Variants in THRB observed in about 807,000 individuals in gnomAD.
The protein encoded by THRB is nuclear receptor subfamily 1 group A member 2.
A neutral mutation model predicts 47.8 loss-of-function variants in THRB; 12 were observed. The ratio of observed to expected loss-of-function variants is 0.25; its 90% CI spans 0.16 to 0.41. The LOEUF is 0.41. Among genes scored for constraint, THRB ranks in the 10% least tolerant of loss-of-function variants. The probability of loss-of-function intolerance (pLI) is 1.00; values close to 1 mark genes in which losing one functional copy is unlikely to be tolerated. For synonymous variants in THRB, 218 were observed against 212.2 expected, an observed-to-expected ratio of 1.03 and a Z score of -0.24; for missense variants, 348 against 589.2, an observed-to-expected ratio of 0.59 and a Z score of 4.24.
chr3:24,205,421 A>C (rs1369308702), intron 4 of THRB, among the ~76,000 whole-genome samples: 3 of 152,198 alleles, frequency 2.0e-5, no homozygotes, highest in Non-Finnish European at 4.4e-5. Flanking sequence ...GTGAAGGAGA[A>C]ATAAAATCCT....
intron 1 of THRB, chr3:24,483,999 C>T (rs1412914095): frequency 1.3e-5 from 2 of 152,216 alleles, no homozygotes; most frequent in South Asian, 2.1e-4. Context: ...TCTTCACTTT[C>T]TGGTTCCCCT....
chr3:24,279,562 T>TA (rs1217209882), intron 3 of THRB, among the ~76,000 whole-genome samples: 1 of 7,854 alleles, frequency 1.3e-4, no homozygotes, highest in Non-Finnish European at 7.9e-4. Context: ...TTTTTTTGTA[T>TA]TTTTTTTTTT....
intron 2 of THRB, among the ~76,000 whole-genome samples, chr3:24,315,766 A>G (rs953039876): frequency 2.6e-5 from 4 of 152,192 alleles, no homozygotes; most frequent in African/African-American, 7.2e-5. Flanking sequence ...TACTTACACC[A>G]GCCTGATAAT....
intron 1 of THRB, among the ~76,000 whole-genome samples, chr3:24,346,716 A>G (rs1559986187): frequency 6.6e-6 from 1 of 152,068 alleles, no homozygotes; most frequent in Non-Finnish European, 1.5e-5. Context: ...AAAAGAATCC[A>G]ATAGAAAGAT....
At chr3:24,313,122 G>A (rs552938661) in intron 2 of THRB, among the ~76,000 whole-genome samples, 23 of 152,170 alleles carry the variant, frequency 1.5e-4, no homozygotes, top group Middle Eastern at 3.4e-3. Flanking sequence ...GAATGGTGCC[G>A]CCATTTACTG....
intron 1 of THRB, among the ~76,000 whole-genome samples, chr3:24,340,235 T>C (rs1335724139): frequency 1.3e-5 from 2 of 152,224 alleles, no homozygotes; most frequent in Non-Finnish European, 2.9e-5. Flanking sequence ...ACATAATGCA[T>C]ATTTTGTTGC....
intron 1 of THRB, among the ~76,000 whole-genome samples, chr3:24,444,374 C>A (rs1200096426): frequency 6.6e-6 from 1 of 151,906 alleles, no homozygotes; most frequent in Non-Finnish European, 1.5e-5. Flanking sequence ...ACAGTAACCA[C>A]CAATTAGAAA....
At chr3:24,490,677 T>C (rs1698009156) in intron 1 of THRB, among the ~76,000 whole-genome samples, 1 of 152,076 alleles carries the variant, frequency 6.6e-6, no homozygotes, top group Non-Finnish European at 1.5e-5. Context: ...ATAGGGTCAT[T>C]TTCAAGTACC....
At chr3:24,456,557 A>G (rs952817224) in intron 1 of THRB, among the ~76,000 whole-genome samples, 1 of 151,630 alleles carries the variant, frequency 6.6e-6, no homozygotes, top group African/African-American at 2.4e-5. Flanking sequence ...TATCTTATAC[A>G]AGGTAAGTAT....
intron 3 of THRB, among the ~76,000 whole-genome samples, chr3:24,295,347 A>G (rs1296044321): frequency 1.3e-5 from 2 of 152,238 alleles, no homozygotes; most frequent in African/African-American, 4.8e-5. Flanking sequence ...TTTACTACAC[A>G]ATAATACAGT....
At chr3:24,420,196 C>A (rs776823329) in intron 1 of THRB, among the ~76,000 whole-genome samples, 67 of 151,822 alleles carry the variant, frequency 4.4e-4, no homozygotes, top group African/African-American at 1.5e-3. Flanking sequence ...CTCCCAGGAC[C>A]AGCAATATTT....
At chr3:24,415,472 G>A (rs2068659718) in intron 1 of THRB, among the ~76,000 whole-genome samples, 1 of 151,762 alleles carries the variant, frequency 6.6e-6, no homozygotes, top group Non-Finnish European at 1.5e-5. Flanking sequence ...TAAATTTAGT[G>A]CTCTCTAATC....
intron 1 of THRB, among the ~76,000 whole-genome samples, chr3:24,463,219 G>A (rs541702191): frequency 6.6e-6 from 1 of 152,116 alleles, no homozygotes; most frequent in Non-Finnish European, 1.5e-5. Flanking sequence ...AAAGGAACGG[G>A]GAACGGCTTT....
chr3:24,281,951 T>C (rs1394596625), intron 3 of THRB, among the ~76,000 whole-genome samples: 1 of 147,874 alleles, frequency 6.8e-6, no homozygotes, highest in Non-Finnish European at 1.5e-5. Context: ...CTGAGTGACC[T>C]ACAAAGAGAG....
intron 4 of THRB, among the ~76,000 whole-genome samples, chr3:24,204,691 A>G (rs1169227862): frequency 6.6e-6 from 1 of 152,004 alleles, no homozygotes; most frequent in Non-Finnish European, 1.5e-5. Flanking sequence ...GGCTTCAGAC[A>G]ATCAAACTTC....
chr3:24,147,961 T>C (rs2036334795), intron 6 of THRB, among the ~76,000 whole-genome samples: 2 of 152,150 alleles, frequency 1.3e-5, no homozygotes, highest in African/African-American at 4.8e-5. Context: ...CTCCACATCT[T>C]ACTTGCTTAA....
chr3:24,486,332 A>G (rs1041157065), intron 1 of THRB: 5 of 152,228 alleles, frequency 3.3e-5, no homozygotes, highest in African/African-American at 1.2e-4. Context: ...TTGCCCCAGA[A>G]GATTCCGAGC....
chr3:24,198,445 TC>T (rs1199153637), intron 4 of THRB, among the ~76,000 whole-genome samples: 2 of 13,546 alleles, frequency 1.5e-4, no homozygotes, highest in African/African-American at 5.3e-4. Context: ...TCAAAGTGTC[TC>T]CCCCCGCCCC....
At chr3:24,276,969 T>G (rs146626244) in intron 3 of THRB, among the ~76,000 whole-genome samples, 1 of 152,086 alleles carries the variant, frequency 6.6e-6, no homozygotes, top group Non-Finnish European at 1.5e-5. Context: ...AATAAAAAAC[T>G]ACTTAAAATA....
Sources: allele counts gnomAD v4.1 joint callset (sites outside exome capture counted in the v4.1 genomes callset), GRCh38; gene constraint gnomAD v4.1.1; transcripts MANE v1.5; gene names NCBI Gene and HGNC (gene_info 2026-07-23, HGNC 2026-07-21).